The following PSME4 variants were observed in gnomAD, a reference collection of about 807,000 sequenced individuals.
The protein encoded by PSME4 is proteasome activator subunit 4, also known as proteasome activator complex subunit 4.
Under a neutral mutation model 253.9 loss-of-function variants are expected in PSME4, and 89 were observed. That is an observed-to-expected ratio of 0.35 (90% CI 0.30 to 0.42). The LOEUF (loss-of-function observed/expected upper bound fraction) is 0.42. Among genes scored for constraint, PSME4 ranks in the 10% least tolerant of loss-of-function variants. The probability of loss-of-function intolerance (pLI) is 1.00; values close to 1 mark genes in which losing one functional copy is unlikely to be tolerated. For synonymous variants in PSME4, 851 were observed against 759.2 expected (o/e 1.12, Z -1.99); for missense variants, 2,014 against 2,195.2 (o/e 0.92, Z 1.65).
intron 27 of PSME4, 33 bp from the exon 28 acceptor site, chr2:53,901,592 G>A: frequency 1.3e-6 from 2 of 1,542,356 alleles, no homozygotes; most frequent in Non-Finnish European, 1.8e-6. Flanking sequence ...ATGTTTACAT[G>A]GGAAATAAGA....
Position 53,970,974 on chromosome 2 carries a change from G to A in PSME4, c.-190C>T. On this transcript the variant is annotated 5_prime_UTR_variant, in exon 1 of 47. Coordinates refer to ENST00000404125, the MANE Select transcript of PSME4 (RefSeq NM_014614.3). ...GCCCCACGCGGCTCTCAGTTCGTTG[G>A]CGGCGGCAGCGGCCGCTCTGCCCGC... is the stretch of plus-strand genomic sequence containing the variant. 2 of 472,180 alleles carry A rather than the reference G, an allele frequency of 4.2e-6. No individual in the cohort carries two copies. Among genetic ancestry groups the A allele is most frequent in the Admixed American group, 4.4e-5 (1 of 22,536 alleles). The allele number at this position is 472,180 out of a possible 1,614,324, so 29.2% of individuals were successfully genotyped here. A position where few individuals can be genotyped will look rare whatever the true frequency, so the allele number is the denominator to read the frequency against.
chr2:53,939,544 A>G (rs1669284496), intron 4 of PSME4, among the ~76,000 whole-genome samples: 1 of 152,224 alleles, frequency 6.6e-6, no homozygotes. Flanking sequence ...CGGGCAATAC[A>G]GCAAGGCCCC....
intron 20 of PSME4, among the ~76,000 whole-genome samples, chr2:53,917,893 T>C (rs1668129736): frequency 6.6e-6 from 1 of 152,158 alleles, no homozygotes; most frequent in South Asian, 2.1e-4. Flanking sequence ...ACAAAACTAA[T>C]GAAAAACAAA....
intron 9 of PSME4, 88 bp from the exon 10 acceptor site, chr2:53,932,188 T>G: frequency 8.0e-7 from 1 of 1,255,728 alleles, no homozygotes; most frequent in Non-Finnish European, 1.1e-6. Flanking sequence ...TGAGAAAAGA[T>G]TTTAAAAATA....
intron 1 of PSME4, among the ~76,000 whole-genome samples, chr2:53,957,585 G>A (rs904849344): frequency 6.6e-6 from 1 of 152,112 alleles, no homozygotes; most frequent in Admixed American, 6.6e-5. Context: ...CAATGGGGAG[G>A]GGCTATAAAT....
intron 20 of PSME4, among the ~76,000 whole-genome samples, chr2:53,917,960 C>T (rs1169153723): frequency 6.6e-6 from 1 of 152,144 alleles, no homozygotes; most frequent in African/African-American, 2.4e-5. Flanking sequence ...GATTTCCTTA[C>T]CTGAAATGAC....
chr2:53,925,876 T>C, intron 13 of PSME4, 83 bp downstream of exon 13: 2 of 1,422,054 alleles, frequency 1.4e-6, no homozygotes, highest in South Asian at 2.4e-5. Context: ...AAGGTTATAA[T>C]GCAGAAATAA....
chr2:53,932,829 A>G, intron 8 of PSME4, 69 bp from the exon 9 acceptor site: 1 of 1,195,746 alleles, frequency 8.4e-7, no homozygotes, highest in Non-Finnish European at 1.2e-6. Context: ...CAACAGGCCC[A>G]AGCCTATACG....
At chr2:53,906,779 G>A (rs1459408041) in intron 25 of PSME4, 27 bp downstream of exon 25, 1 of 1,606,688 alleles carries the variant, frequency 6.2e-7, no homozygotes, top group African/African-American at 1.3e-5. Context: ...ATTTTAAAAA[G>A]TCACTATGAC....
intron 31 of PSME4, 117 bp from the exon 32 acceptor site, chr2:53,897,002 C>A: frequency 2.7e-6 from 2 of 736,126 alleles, no homozygotes; most frequent in East Asian, 5.1e-5. Context: ...CCTCGCCTAT[C>A]GACATCTGGC....
At chr2:53,924,420 T>C (rs951463251) in intron 14 of PSME4, among the ~76,000 whole-genome samples, 1 of 152,196 alleles carries the variant, frequency 6.6e-6, no homozygotes, top group African/African-American at 2.4e-5. Flanking sequence ...AGGCTACAGA[T>C]AATAGGTACC....
At chr2:53,962,063 A>C (rs2104488966) in intron 1 of PSME4, among the ~76,000 whole-genome samples, 1 of 152,360 alleles carries the variant, frequency 6.6e-6, no homozygotes, top group Admixed American at 6.5e-5. Flanking sequence ...CTATGACCTA[A>C]TGCTTGCTTG....
At chr2:53,943,060 A>C (rs1446431850) in intron 3 of PSME4, among the ~76,000 whole-genome samples, 3 of 152,220 alleles carry the variant, frequency 2.0e-5, no homozygotes, top group African/African-American at 7.2e-5. Context: ...TTGCAGATTT[A>C]TGCCTCCTGC....
In PSME4 at chr2:53,923,427, G is replaced by C. The variant is rs778217850; in HGVS notation, c.1810-8C>G. 1.9e-6 allele frequency: 3 copies of C among 1,579,636 alleles called. No homozygotes were observed. In the East Asian group the frequency reaches 6.8e-5, roughly 36 times the overall value. ...AACCTTCTGAAGGGCCACCTGTTAA[G>C]ATATGAAAATGTTTAATGAGCATTT... On this transcript the variant is annotated splice_region_variant and splice_polypyrimidine_tract_variant and intron_variant, in intron 14 of 46. Transcript: ENST00000404125.
chr2:53,869,422 T>G lies in PSME4; in HGVS notation c.5217A>C (p.Lys1739Asn). 6.2e-7 allele frequency: 1 copy of G among 1,610,916 alleles called. No individual in the cohort carries two copies. Among genetic ancestry groups the G allele is most frequent in the Non-Finnish European group, 8.5e-7 (1 of 1,177,790 alleles). ...EQLCKTKLPK[K>N]RKRDPGSVGD... ...CTACAGAACCAGGGTCTCGCTTTCT[T>G]TTCTTAGGTAGTTTTGTTTTGCAAA... The change falls in exon 44 of 47, where the codon AAA (lysine) becomes AAC (asparagine). Residue 1739 changes from lysine to asparagine, a missense_variant. This residue lies in a region of PSME4 where 403 missense variants were observed against 556.1 expected (regional missense o/e 0.72). Coordinates refer to ENST00000404125, the MANE Select transcript of PSME4 (RefSeq NM_014614.3).
chr2:53,887,912 T>G lies in PSME4; in HGVS notation c.4466A>C (p.Tyr1489Ser). The change falls in exon 39 of 47, where the codon TAC (tyrosine) becomes TCC (serine). Residue 1489 changes from tyrosine (Y) to serine (S), a missense_variant. Tyr to Ser is a moderately radical substitution (Grantham distance 144). Around this residue, in one of 4 missense-constraint regions of PSME4, gnomAD observed 403 missense variants for 556.1 expected, o/e 0.72. Transcript: ENST00000404125. The stretch of plus-strand genomic sequence containing the variant: ...AACCTGGGTGAGTTTGGGTTCCAAG[T>G]ACTTCAGTAGTCTGTGCAATAGTTC... ...VPELLHRLLK[Y>S]LEPKLTQVYK... The G allele has an allele frequency of 6.2e-7, 1 of 1,606,434 alleles. No individual in the cohort carries two copies. Among genetic ancestry groups the G allele is most frequent in the African/African-American group, 1.3e-5 (1 of 74,840 alleles).
chr2:53,887,941 C>A lies in PSME4; in HGVS notation c.4437G>T (p.Val1479=). The A allele has an allele frequency of 6.2e-7, 1 of 1,610,630 alleles. No individual in the cohort carries two copies. Among genetic ancestry groups the A allele is most frequent in the Non-Finnish European group, 8.5e-7 (1 of 1,177,112 alleles). The change falls in exon 39 of 47, where the codon GTG becomes GTT. Residue 1479 remains valine (V), a synonymous_variant. Transcript: ENST00000404125. ...TCAGTAGTCTGTGCAATAGTTCAGG[C>A]ACTCTCCATTCTTGCTGGGCAAGGC... ...QGGLAQQEWR[V]PELLHRLLKY...
chr2:53,970,101 C>G (rs1197578487), intron 1 of PSME4, among the ~76,000 whole-genome samples: 1 of 152,074 alleles, frequency 6.6e-6, no homozygotes, highest in African/African-American at 2.4e-5. Flanking sequence ...AGGCGGGGAT[C>G]GTAGGGGAAG....
Position 53,920,952 on chromosome 2 carries a change from A to G in PSME4, c.2199T>C (p.Pro733=). The G allele has an allele frequency of 6.2e-7, 1 of 1,614,062 alleles. No individual in the cohort carries two copies. The change falls in exon 18 of 47, where the codon CCT becomes CCC. Residue 733 remains proline (P), a synonymous_variant. Transcript: ENST00000404125. ...CACCTGGCACACTGCAGTATTCTGT[A>G]GGGTAGATAAGTGTGGTAGAACGGA... ...HLLRSTTLIY[P]TEYCSVPGGF... is the part of the protein sequence containing the mutation.
Sources: gnomAD v4.1 joint callset for allele counts (sites outside exome capture counted in the v4.1 genomes callset) on GRCh38, gnomAD v4.1.1 for gene constraint, gnomAD v4.1.1 regional missense constraint, MANE v1.5 for transcripts, NCBI Gene and HGNC (gene_info 2026-07-23, HGNC 2026-07-21) for gene names.